Variants in PHLPP1 observed in about 807,000 individuals in gnomAD.
PHLPP1 encodes the protein PH domain and leucine rich repeat protein phosphatase 1.
Under a neutral mutation model 117.2 loss-of-function variants are expected in PHLPP1, and 42 were observed. The ratio of observed to expected loss-of-function variants is 0.36; its 90% confidence interval spans 0.28 to 0.46. The LOEUF (loss-of-function observed/expected upper bound fraction) is 0.46, where lower values mean the gene tolerates loss of function less well. PHLPP1 is among the 20% of genes least tolerant of loss of function. The probability of loss-of-function intolerance (pLI) is 1.00; values close to 1 mark genes in which losing one functional copy is unlikely to be tolerated. For missense variants in PHLPP1, 2,084 were observed against 2,241.9 expected (o/e 0.93, Z 1.42); for synonymous variants, 1,042 against 970.7 (o/e 1.07, Z -1.37).
At chr18:62,852,722 A>T (rs1915390365) in intron 3 of PHLPP1, among the ~76,000 whole-genome samples, 1 of 152,188 alleles carries the variant, frequency 6.6e-6, no homozygotes, top group African/African-American at 2.4e-5. Flanking sequence ...TTTTAGAGTC[A>T]TTCTGGTTAA....
intron 1 of PHLPP1, among the ~76,000 whole-genome samples, chr18:62,800,232 C>A (rs1913740849): frequency 2.0e-5 from 3 of 152,114 alleles, no homozygotes; most frequent in Admixed American, 6.5e-5. Context: ...GCATAGAAGG[C>A]CCTTTACACA....
intron 1 of PHLPP1, among the ~76,000 whole-genome samples, chr18:62,822,266 TTTTTTTTTTTTTTGTTTTTG>T (rs1242014355): frequency 2.9e-4 from 38 of 131,324 alleles, no homozygotes; most frequent in Admixed American, 2.0e-3. Context: ...GAAAATAGTG[TTTTTTTTTTTTTTGTTTTTG>T]TTTTTTTTTT....
chr18:62,860,734 A>T, intron 4 of PHLPP1, 133 bp downstream of exon 4: 1 of 710,316 alleles, frequency 1.4e-6, no homozygotes, highest in South Asian at 2.2e-5. Context: ...GGGTAATAGG[A>T]CTTTGTTTAT....
At chr18:62,862,136 G>A (rs982912160) in intron 4 of PHLPP1, among the ~76,000 whole-genome samples, 3 of 151,322 alleles carry the variant, frequency 2.0e-5, no homozygotes, top group Admixed American at 6.6e-5. Flanking sequence ...CTAGAGTGTG[G>A]TGGCACAATC....
chr18:62,955,199 T>G (rs190684680), intron 12 of PHLPP1, among the ~76,000 whole-genome samples: 9 of 152,162 alleles, frequency 5.9e-5, no homozygotes, highest in Admixed American at 5.2e-4. Flanking sequence ...CACAGACAGA[T>G]GAAAGCATGT....
intron 12 of PHLPP1, among the ~76,000 whole-genome samples, chr18:62,948,625 C>G (rs1221275854): frequency 6.6e-6 from 1 of 151,158 alleles, no homozygotes; most frequent in South Asian, 2.1e-4. Flanking sequence ...TCCATTCTTT[C>G]AGGCTGAGCT....
At chr18:62,940,666 TA>T (rs1437762807) in intron 10 of PHLPP1, among the ~76,000 whole-genome samples, 1 of 152,162 alleles carries the variant, frequency 6.6e-6, no homozygotes, top group African/African-American at 2.4e-5. Context: ...GCCTGGCCTT[TA>T]TCCTCTTTTC....
intron 1 of PHLPP1, among the ~76,000 whole-genome samples, chr18:62,735,331 G>A (rs910872173): frequency 1.3e-5 from 2 of 152,112 alleles, no homozygotes; most frequent in Admixed American, 6.6e-5. Flanking sequence ...TAATCCGCCT[G>A]TCTTGGCCTC....
chr18:62,897,473 G>A (rs752023511), intron 6 of PHLPP1, among the ~76,000 whole-genome samples: 32 of 152,042 alleles, frequency 2.1e-4, no homozygotes, highest in Non-Finnish European at 3.8e-4. Context: ...TTCTAATTCT[G>A]CCTTAATACT....
intron 6 of PHLPP1, among the ~76,000 whole-genome samples, chr18:62,901,864 G>A (rs635838): frequency 0.28 from 42,717 of 151,540 alleles, 7,207 homozygotes; most frequent in Non-Finnish European, 0.37. Context: ...TCCTGACCTC[G>A]TGAAACACCC....
At chr18:62,759,833 C>A (rs1912156223) in intron 1 of PHLPP1, among the ~76,000 whole-genome samples, 1 of 152,022 alleles carries the variant, frequency 6.6e-6, no homozygotes, top group Non-Finnish European at 1.5e-5. Context: ...CCTCCCCCAA[C>A]CCAATCTTCT....
intron 1 of PHLPP1, among the ~76,000 whole-genome samples, chr18:62,738,076 T>C (rs1280397742): frequency 6.6e-6 from 1 of 152,050 alleles, no homozygotes; most frequent in African/African-American, 2.4e-5. Context: ...AGGCCATCTG[T>C]ATCCATGGGT....
At chr18:62,798,373 A>G (rs1011121384) in intron 1 of PHLPP1, among the ~76,000 whole-genome samples, 1 of 152,172 alleles carries the variant, frequency 6.6e-6, no homozygotes, top group Non-Finnish European at 1.5e-5. Context: ...CATCTTTCTT[A>G]AATTTTTCTT....
At chr18:62,748,071 C>T (rs187259493) in intron 1 of PHLPP1, among the ~76,000 whole-genome samples, 4 of 152,122 alleles carry the variant, frequency 2.6e-5, no homozygotes, top group Admixed American at 2.0e-4. Flanking sequence ...TTCCTTAGAT[C>T]GTGATTGTTA....
chr18:62,813,295 CA>C (rs1028161565), intron 1 of PHLPP1, among the ~76,000 whole-genome samples: 2 of 152,076 alleles, frequency 1.3e-5, no homozygotes, highest in South Asian at 2.1e-4. Context: ...ATACACATCC[CA>C]AAAAGAGATG....
chr18:62,901,518 C>G (rs1436925005), intron 6 of PHLPP1, among the ~76,000 whole-genome samples: 1 of 151,978 alleles, frequency 6.6e-6, no homozygotes, highest in African/African-American at 2.4e-5. Flanking sequence ...GGATATTATT[C>G]TTAATTCATT....
At chr18:62,778,445 G>A (rs1913025679) in intron 1 of PHLPP1, among the ~76,000 whole-genome samples, 1 of 152,064 alleles carries the variant, frequency 6.6e-6, no homozygotes, top group African/African-American at 2.4e-5. Flanking sequence ...CTGTTGAACC[G>A]GCAGTGAAGA....
chr18:62,869,420 G>A (rs1018834623), intron 4 of PHLPP1, among the ~76,000 whole-genome samples: 18 of 152,184 alleles, frequency 1.2e-4, no homozygotes, highest in African/African-American at 3.6e-4. Flanking sequence ...TCCACAAAGT[G>A]AACACATCCA....
chr18:62,785,709 C>T (rs1385150302), intron 1 of PHLPP1, among the ~76,000 whole-genome samples: 1 of 152,096 alleles, frequency 6.6e-6, no homozygotes, highest in Non-Finnish European at 1.5e-5. Flanking sequence ...GTTCTTTTCT[C>T]GGGTCATTAC....
Sources: gnomAD v4.1 joint callset for allele counts (sites outside exome capture counted in the v4.1 genomes callset) on GRCh38, gnomAD v4.1.1 for gene constraint, MANE v1.5 for transcripts, NCBI Gene and HGNC (gene_info 2026-07-23, HGNC 2026-07-21) for gene names.